KDM4C: variants seen among roughly 807,000 people sequenced by gnomAD.
The protein encoded by KDM4C is lysine demethylase 4C, also known as lysine-specific demethylase 4C.
In KDM4C, 81 loss-of-function variants were observed where a neutral mutation model predicts 129.3. The observed-to-expected ratio is 0.63, with a 90% CI of 0.52 to 0.75. KDM4C has a LOEUF of 0.75. Among genes scored for constraint, KDM4C ranks in the 30% least tolerant of loss-of-function variants. KDM4C has a pLI of 0.00. For missense variants in KDM4C, 1,457 were observed against 1,304.0 expected (o/e 1.12, Z -1.81); for synonymous variants, 573 against 456.1 (o/e 1.26, Z -3.26).
At chr9:6,976,883 G>A (rs753174701) in intron 8 of KDM4C, among the ~76,000 whole-genome samples, 1 of 151,920 alleles carries the variant, frequency 6.6e-6, no homozygotes, top group African/African-American at 2.4e-5. Context: ...GTAAAGGGCA[G>A]TATTTTAGAT....
intron 19 of KDM4C, among the ~76,000 whole-genome samples, chr9:7,136,986 A>G (rs971889722): frequency 2.0e-5 from 3 of 152,210 alleles, no homozygotes; most frequent in Non-Finnish European, 4.4e-5. Context: ...TTCTTGTGAG[A>G]TTTATTTATT....
At chr9:6,760,808 G>A (rs1230933810) in intron 1 of KDM4C, among the ~76,000 whole-genome samples, 3 of 151,238 alleles carry the variant, frequency 2.0e-5, no homozygotes, top group African/African-American at 7.3e-5. Context: ...TCCTGACCTC[G>A]TGATCTGCCC....
chr9:6,950,397 T>C (rs1014130374), intron 8 of KDM4C, among the ~76,000 whole-genome samples: 7 of 152,200 alleles, frequency 4.6e-5, no homozygotes, highest in Admixed American at 4.6e-4. Flanking sequence ...GTTTTATTTT[T>C]CCCTGTCTTT....
chr9:6,747,537 T>C (rs7847047), intron 1 of KDM4C, among the ~76,000 whole-genome samples: 51,998 of 133,748 alleles, frequency 0.39, 10,822 homozygotes, highest in African/African-American at 0.54. Context: ...GACAGGGCGA[T>C]TCAAAAAAAA....
rs891591625 is a variant in KDM4C at position 6,767,059 on chromosome 9, T to C, written c.-18+8856T>C. On this transcript the variant is annotated intron_variant, in intron 1 of 21. Transcript: ENST00000381309. The stretch of plus-strand genomic sequence containing the variant: ...CTTTGAATGGTCACAGGCATCCCTT[T>C]GAGTGGGTGAACTGAAGTGTTTTTT... Among the ~76,000 whole-genome samples, 49 of 152,304 alleles carry C rather than the reference T, an allele frequency of 3.2e-4. 2 individuals are homozygous for C. The highest frequency in any genetic ancestry group is 1.2e-3 in the African/African-American group (49 of 41,562).
At chr9:7,107,041 T>G (rs1837773923) in intron 18 of KDM4C, among the ~76,000 whole-genome samples, 2 of 152,174 alleles carry the variant, frequency 1.3e-5, no homozygotes, top group South Asian at 4.1e-4. Flanking sequence ...TTAGCATGTG[T>G]TTGCCAGCGT....
At chr9:7,000,980 A>G (rs1820620829) in intron 12 of KDM4C, among the ~76,000 whole-genome samples, 1 of 152,216 alleles carries the variant, frequency 6.6e-6, no homozygotes. Context: ...CTGGCTGGCA[A>G]CATTCTACAG....
chr9:6,934,209 C>T (rs1347158256), intron 8 of KDM4C, among the ~76,000 whole-genome samples: 2 of 151,588 alleles, frequency 1.3e-5, no homozygotes, highest in Non-Finnish European at 2.9e-5. Flanking sequence ...GGGCTGGGCG[C>T]GGGGTCTCAC....
intron 3 of KDM4C, among the ~76,000 whole-genome samples, chr9:6,808,444 T>G (rs1369903736): frequency 8.2e-6 from 1 of 121,766 alleles, no homozygotes; most frequent in Non-Finnish European, 1.6e-5. Context: ...CAGGGTTAAA[T>G]GGATTAAGGG....
intron 17 of KDM4C, among the ~76,000 whole-genome samples, chr9:7,062,554 A>G (rs1451548249): frequency 6.7e-6 from 1 of 148,210 alleles, no homozygotes; most frequent in Non-Finnish European, 1.5e-5. Context: ...TTTCCAGCTA[A>G]TTTTTTTTTT....
chr9:7,003,896 A>G (rs1014774993), intron 12 of KDM4C, among the ~76,000 whole-genome samples: 3 of 152,156 alleles, frequency 2.0e-5, no homozygotes, highest in Admixed American at 2.0e-4. Flanking sequence ...TCACTTCTGC[A>G]CTTATCCCAC....
rs1215555812 is a variant in KDM4C at position 6,985,182 on chromosome 9, CCCG to C, written c.1354+780_1354+782del. Among the ~76,000 whole-genome samples the C allele has an allele frequency of 2.0e-5, 3 of 152,130 alleles. No individual in the cohort carries two copies. In the East Asian group the frequency reaches 5.8e-4, roughly 29 times the overall value. Reference sequence around the variant, plus strand: ...TTCAGGAATGTCAGCTGTAGTCACCCCCGCTAGTCAGTTCTCCAGGTGGCCATT... The same window carrying C: ...TTCAGGAATGTCAGCTGTAGTCACCCCTAGTCAGTTCTCCAGGTGGCCATT... On this transcript the variant is annotated intron_variant, in intron 10 of 21. Coordinates refer to ENST00000381309, the MANE Select transcript of KDM4C (RefSeq NM_015061.6).
intron 15 of KDM4C, among the ~76,000 whole-genome samples, chr9:7,031,479 A>G (rs1335813638): frequency 6.6e-6 from 1 of 152,138 alleles, no homozygotes; most frequent in Non-Finnish European, 1.5e-5. Context: ...TAAAAATTGT[A>G]GTAACAATTA....
chr9:7,123,152 A>T lies in KDM4C; in HGVS notation c.2611-4914A>T, dbSNP rs144369548. The stretch of plus-strand genomic sequence containing the variant: ...ATTTTTATTTAGATGAAGGTTGTGT[A>T]TTTAATTTATATACTGGCCATTTTT... On this transcript the variant is annotated intron_variant, in intron 18 of 21. Coordinates refer to ENST00000381309, the MANE Select transcript of KDM4C (RefSeq NM_015061.6). Among the ~76,000 whole-genome samples, 58 of 152,320 alleles carry T rather than the reference A, an allele frequency of 3.8e-4. No individual in the cohort carries two copies. The East Asian group carries it at 0.01, about 26-fold the overall frequency.
intron 17 of KDM4C, among the ~76,000 whole-genome samples, chr9:7,057,701 G>A (rs2381541): frequency 0.77 from 117,887 of 152,220 alleles, 45,848 homozygotes; most frequent in African/African-American, 0.82. Flanking sequence ...CAATTTGTAA[G>A]CAACAGGAAT....
chr9:6,869,160 G>T (rs929046945), intron 5 of KDM4C, among the ~76,000 whole-genome samples: 1 of 152,176 alleles, frequency 6.6e-6, no homozygotes, highest in Non-Finnish European at 1.5e-5. Flanking sequence ...TTCTTGTAAG[G>T]ATTTTTTCTC....
At chr9:7,171,350 G>A (rs958206067) in intron 21 of KDM4C, among the ~76,000 whole-genome samples, 1 of 152,158 alleles carries the variant, frequency 6.6e-6, no homozygotes, top group African/African-American at 2.4e-5. Flanking sequence ...AAAAACCTTA[G>A]ATGACTTGTC....
At chr9:6,785,825 C>G (rs1212639699) in intron 1 of KDM4C, among the ~76,000 whole-genome samples, 1 of 152,224 alleles carries the variant, frequency 6.6e-6, no homozygotes, top group East Asian at 1.9e-4. Flanking sequence ...AATGCCCAGC[C>G]AAAGCAGTGT....
chr9:6,849,423 T>G, intron 4 of KDM4C, 84 bp from the exon 5 acceptor site: 3 of 1,142,304 alleles, frequency 2.6e-6, no homozygotes, highest in Non-Finnish European at 3.7e-6. Flanking sequence ...ATAATTTTGG[T>G]GGATAGTGGT....
Sources: gnomAD v4.1 joint callset for allele counts (sites outside exome capture counted in the v4.1 genomes callset) on GRCh38, gnomAD v4.1.1 for gene constraint, MANE v1.5 for transcripts, NCBI Gene and HGNC (gene_info 2026-07-23, HGNC 2026-07-21) for gene names.